Variants in ADK observed in about 807,000 individuals in gnomAD.
The protein encoded by ADK is N6,N6-dimethyladenosine kinase.
Under a neutral mutation model 44.7 loss-of-function variants are expected in ADK, and 24 were observed. The observed-to-expected ratio is 0.54, with a 90% confidence interval of 0.39 to 0.76. The LOEUF (loss-of-function observed/expected upper bound fraction) is 0.76. Ranked by LOEUF, ADK falls within the 30% of genes least tolerant of loss-of-function variation. The pLI is 0.00. For synonymous variants in ADK, 128 were observed against 142.6 expected (o/e 0.90, Z 0.73); for missense variants, 321 against 425.1 (o/e 0.76, Z 2.15).
At chr10:74,656,484 G>A (rs1409131323) in intron 9 of ADK, among the ~76,000 whole-genome samples, 4 of 152,212 alleles carry the variant, frequency 2.6e-5, no homozygotes, top group Admixed American at 6.5e-5. Flanking sequence ...CTGTTGGGCC[G>A]TCAGGCAGCA....
intron 7 of ADK, among the ~76,000 whole-genome samples, chr10:74,579,018 G>C (rs1398153858): frequency 2.0e-5 from 3 of 152,096 alleles, no homozygotes; most frequent in Admixed American, 2.0e-4. Context: ...TGGATCACCT[G>C]AGATCAGGAG....
chr10:74,408,822 C>G (rs1321972500), intron 6 of ADK, among the ~76,000 whole-genome samples: 16 of 152,068 alleles, frequency 1.1e-4, no homozygotes, highest in Admixed American at 1.0e-3. Context: ...TAGTCATCTT[C>G]ATGTTGAGTG....
intron 2 of ADK, among the ~76,000 whole-genome samples, chr10:74,215,665 CTTTTTTT>C (rs35998695): frequency 1.5e-5 from 2 of 129,280 alleles, no homozygotes; most frequent in South Asian, 2.5e-4. Flanking sequence ...ATAAATCACT[CTTTTTTT>C]TTTTTTTTTT....
intron 4 of ADK, 131 bp downstream of exon 4, chr10:74,314,876 G>A: frequency 1.4e-6 from 1 of 711,230 alleles, no homozygotes; most frequent in Non-Finnish European, 2.5e-6. Context: ...GATTTTAGTA[G>A]TCATTGCACA....
Position 74,258,905 on chromosome 10 carries a change from C to T in ADK, c.194+34314C>T, listed in dbSNP as rs182046946. Among the ~76,000 whole-genome samples, 25 of 150,054 alleles carry T rather than the reference C, an allele frequency of 1.7e-4. No homozygotes were observed. In the East Asian group the frequency reaches 4.7e-3, roughly 28 times the overall value. On this transcript the variant is annotated intron_variant, in intron 3 of 10. Transcript: ENST00000539909. ...TTAACGTATACATAATATAAGAATT[C>T]CTTGAGTGAATATCTTTTTTGTTGT...
intron 2 of ADK, among the ~76,000 whole-genome samples, chr10:74,219,842 C>A (rs1244338985): frequency 6.6e-6 from 1 of 151,324 alleles, no homozygotes; most frequent in East Asian, 1.9e-4. Flanking sequence ...ACACAACATA[C>A]CAGAATCTCT....
At chr10:74,153,320 G>A (rs1397275398) in intron 1 of ADK, among the ~76,000 whole-genome samples, 1 of 152,206 alleles carries the variant, frequency 6.6e-6, no homozygotes, top group Non-Finnish European at 1.5e-5. Flanking sequence ...TTGGCACCTA[G>A]TGGATGGAAT....
chr10:74,302,105 GTTTGTTTTT>G (rs1840066207), intron 3 of ADK, among the ~76,000 whole-genome samples: 22 of 88,896 alleles, frequency 2.5e-4, no homozygotes, highest in African/African-American at 4.2e-4. Flanking sequence ...TTTTTTGTTT[GTTTGTTTTT>G]TTTTTTTTTT....
intron 6 of ADK, among the ~76,000 whole-genome samples, chr10:74,498,046 C>T (rs1261735403): frequency 2.0e-5 from 3 of 152,058 alleles, no homozygotes; most frequent in African/African-American, 7.2e-5. Context: ...CCTGCCACCA[C>T]GCCCGGCTAA....
At chr10:74,532,247 C>T (rs1444207924) in intron 7 of ADK, among the ~76,000 whole-genome samples, 10 of 152,060 alleles carry the variant, frequency 6.6e-5, no homozygotes, top group Non-Finnish European at 1.5e-5. Flanking sequence ...CCTGCAATCC[C>T]AATAGGGATT....
At chr10:74,408,868 C>T (rs1844062173) in intron 6 of ADK, among the ~76,000 whole-genome samples, 1 of 152,004 alleles carries the variant, frequency 6.6e-6, no homozygotes, top group South Asian at 2.1e-4. Flanking sequence ...AGTGGTTGGC[C>T]TTCATGTCTC....
chr10:74,230,301 AC>A (rs1443143447), intron 3 of ADK, among the ~76,000 whole-genome samples: 1 of 151,884 alleles, frequency 6.6e-6, no homozygotes, highest in Non-Finnish European at 1.5e-5. Flanking sequence ...CTAGAAATGA[AC>A]CCTTGAACCA....
At chr10:74,435,045 A>G (rs10740437) in intron 6 of ADK, among the ~76,000 whole-genome samples, 92,469 of 151,992 alleles carry the variant, frequency 0.61, 30,500 homozygotes, top group Middle Eastern at 0.77. Flanking sequence ...AAGAATCACT[A>G]TGCCACCAGA....
intron 6 of ADK, among the ~76,000 whole-genome samples, chr10:74,427,338 A>G (rs532953103): frequency 1.3e-5 from 2 of 152,162 alleles, no homozygotes; most frequent in South Asian, 2.1e-4. Context: ...AGCTGGGACT[A>G]TAGGTGCCCA....
rs200767690 is a variant in ADK, at chr10:74,267,752, ATT to A, written c.194+43163_194+43164del. 1.6e-4 allele frequency among the ~76,000 whole-genome samples: 10 copies of A among 62,872 alleles called. No individual in the cohort carries two copies. The East Asian group carries it at 2.1e-3, about 13-fold the overall frequency. The allele number at this position is 62,872 out of a possible 152,430, so 41.2% of individuals were successfully genotyped here. A position where few individuals can be genotyped will look rare whatever the true frequency, so the allele number is the denominator to read the frequency against. ...CCATCAGCTATTGGCTTATATCCTTATTTGTGTGTGTGTGTGTGTGTGTGTGT... is the reference window on the plus strand; with the variant it reads ...CCATCAGCTATTGGCTTATATCCTTATGTGTGTGTGTGTGTGTGTGTGTGT... On this transcript the variant is annotated intron_variant, in intron 3 of 10. Transcript: ENST00000539909.
intron 9 of ADK, among the ~76,000 whole-genome samples, chr10:74,646,081 A>C (rs1024628925): frequency 2.0e-5 from 3 of 152,218 alleles, no homozygotes; most frequent in Admixed American, 2.0e-4. Context: ...TTGTTTATCA[A>C]CACGAACTTC....
chr10:74,588,752 A>G (rs1300090922), intron 7 of ADK, among the ~76,000 whole-genome samples: 1 of 152,218 alleles, frequency 6.6e-6, no homozygotes, highest in African/African-American at 2.4e-5. Context: ...TGACCAGCAT[A>G]TAATCTGAGA....
intron 9 of ADK, among the ~76,000 whole-genome samples, chr10:74,640,291 A>C (rs1853794953): frequency 6.6e-6 from 1 of 152,094 alleles, no homozygotes; most frequent in Non-Finnish European, 1.5e-5. Context: ...GTACTGGTGC[A>C]CTCCTGGGAC....
chr10:74,345,702 A>G (rs1015704693), intron 4 of ADK, among the ~76,000 whole-genome samples: 9 of 152,208 alleles, frequency 5.9e-5, no homozygotes, highest in Admixed American at 5.9e-4. Flanking sequence ...TCTTTTATGT[A>G]TAGTTATTAG....
Sources: gnomAD v4.1 joint callset for allele counts (sites outside exome capture counted in the v4.1 genomes callset) on GRCh38, gnomAD v4.1.1 for gene constraint, MANE v1.5 for transcripts, NCBI Gene and HGNC (gene_info 2026-07-23, HGNC 2026-07-21) for gene names.